FARS2: variants seen among roughly 807,000 people sequenced by gnomAD.
FARS2 encodes phenylalanine--tRNA ligase, mitochondrial.
FARS2 carries 40 observed loss-of-function variants against 46.4 expected under a neutral mutation model. The observed-to-expected ratio is 0.86, with a 90% confidence interval of 0.67 to 1.12. The LOEUF is 1.12. Among genes scored for constraint, FARS2 ranks in the 50% most tolerant of loss-of-function variants. FARS2 has a pLI of 0.00. For missense variants in FARS2, 513 were observed against 567.9 expected (o/e 0.90, Z 0.98); for synonymous variants, 234 against 214.9 (o/e 1.09, Z -0.78).
intron 6 of FARS2, among the ~76,000 whole-genome samples, chr6:5,666,346 C>T (rs1001397668): frequency 1.5e-4 from 23 of 152,312 alleles, no homozygotes; most frequent in Admixed American, 6.5e-4. Flanking sequence ...TTAATGGCCA[C>T]TGCAGGTCCC....
At chr6:5,403,170 T>C (rs73718097) in intron 2 of FARS2, among the ~76,000 whole-genome samples, 5,377 of 152,318 alleles carry the variant, frequency 0.035, 352 homozygotes, top group African/African-American at 0.12. Context: ...ATTAGAATAT[T>C]TCTCTGAAAA....
At chr6:5,674,969 G>C (rs1224237999) in intron 6 of FARS2, among the ~76,000 whole-genome samples, 2 of 152,134 alleles carry the variant, frequency 1.3e-5, no homozygotes, top group Non-Finnish European at 2.9e-5. Context: ...AGGCCAGACT[G>C]TAGTTTCCTT....
At chr6:5,401,778 G>C (rs1413077377) in intron 2 of FARS2, among the ~76,000 whole-genome samples, 5 of 152,146 alleles carry the variant, frequency 3.3e-5, no homozygotes, top group Non-Finnish European at 7.4e-5. Context: ...GTTTGAAAAT[G>C]TGGCTTCATT....
intron 6 of FARS2, among the ~76,000 whole-genome samples, chr6:5,706,586 T>C (rs1218269332): frequency 2.0e-5 from 3 of 152,152 alleles, no homozygotes; most frequent in Non-Finnish European, 4.4e-5. Context: ...TCTTTTAAAC[T>C]CGTGGCTACA....
At chr6:5,320,554 A>C (rs1266827934) in intron 1 of FARS2, among the ~76,000 whole-genome samples, 1 of 152,200 alleles carries the variant, frequency 6.6e-6, no homozygotes, top group Non-Finnish European at 1.5e-5. Context: ...CATGAATTTT[A>C]ACATCAACAT....
At chr6:5,722,866 T>C (rs553326219) in intron 6 of FARS2, among the ~76,000 whole-genome samples, 2 of 152,204 alleles carry the variant, frequency 1.3e-5, no homozygotes, top group Non-Finnish European at 2.9e-5. Context: ...ACCCTAGTTA[T>C]GAAGTTGTAA....
At chr6:5,455,564 T>C (rs957761338) in intron 4 of FARS2, among the ~76,000 whole-genome samples, 2 of 152,214 alleles carry the variant, frequency 1.3e-5, no homozygotes, top group African/African-American at 4.8e-5. Context: ...TCTAATTTGT[T>C]TTTATTACCT....
intron 6 of FARS2, among the ~76,000 whole-genome samples, chr6:5,636,369 C>T (rs761341603): frequency 1.1e-4 from 17 of 152,196 alleles, no homozygotes; most frequent in Non-Finnish European, 1.6e-4. Context: ...TCCCCCTTTG[C>T]TAGCAACTGC....
chr6:5,601,561 G>T (rs568211221), intron 5 of FARS2, among the ~76,000 whole-genome samples: 59 of 149,102 alleles, frequency 4.0e-4, no homozygotes, highest in African/African-American at 1.4e-3. Flanking sequence ...AGACGAGAGT[G>T]GGGAGGCCTC....
At chr6:5,603,155 G>A (rs1582556947) in intron 5 of FARS2, among the ~76,000 whole-genome samples, 1 of 152,142 alleles carries the variant, frequency 6.6e-6, no homozygotes, top group African/African-American at 2.4e-5. Flanking sequence ...TAGTGCAGTG[G>A]TGCGATCTCA....
At chr6:5,610,745 G>T (rs904559291) in intron 5 of FARS2, among the ~76,000 whole-genome samples, 1 of 152,190 alleles carries the variant, frequency 6.6e-6, no homozygotes, top group Non-Finnish European at 1.5e-5. Flanking sequence ...GTAATCGAAG[G>T]TCCCTTTGGA....
At chr6:5,723,994 A>G (rs1760089863) in intron 6 of FARS2, among the ~76,000 whole-genome samples, 1 of 133,020 alleles carries the variant, frequency 7.5e-6, no homozygotes. Flanking sequence ...TCCACCGCAC[A>G]GGGGCTGTCA....
At position 5,499,162 on chromosome 6, in the gene FARS2, G is replaced by T. The variant is rs566759183; in HGVS notation, c.905-46018G>T. ...GTTAAAAGAATCTTGGGCGAGGCGT[G>T]TATCGATGAAGGCTGCATCTGACCT... On this transcript the variant is annotated intron_variant, in intron 4 of 6. Coordinates refer to ENST00000274680, the MANE Select transcript of FARS2 (RefSeq NM_006567.5). Among the ~76,000 whole-genome samples, 27 of 152,314 alleles carry T rather than the reference G, an allele frequency of 1.8e-4. No homozygotes were observed. The East Asian group carries it at 4.1e-3, about 23-fold the overall frequency.
chr6:5,341,220 TATA>T (rs1771587163), intron 1 of FARS2, among the ~76,000 whole-genome samples: 4 of 7,700 alleles, frequency 5.2e-4, no homozygotes, highest in African/African-American at 2.0e-3. Flanking sequence ...TATATATATA[TATA>T]TATATATATA....
intron 6 of FARS2, among the ~76,000 whole-genome samples, chr6:5,688,352 C>G (rs1216694476): frequency 2.0e-5 from 3 of 152,256 alleles, no homozygotes; most frequent in South Asian, 2.1e-4. Context: ...ATACATAACT[C>G]TTATTATCTT....
chr6:5,636,941 G>A (rs1051416826), intron 6 of FARS2, among the ~76,000 whole-genome samples: 7 of 152,340 alleles, frequency 4.6e-5, no homozygotes, highest in Non-Finnish European at 8.8e-5. Context: ...CGTGCCCCAG[G>A]GCCTCACAGG....
At chr6:5,277,103 T>A (rs1357292750) in intron 1 of FARS2, among the ~76,000 whole-genome samples, 1 of 152,194 alleles carries the variant, frequency 6.6e-6, no homozygotes, top group Non-Finnish European at 1.5e-5. Flanking sequence ...ATTGATCAAA[T>A]GGTGACTGAA....
intron 1 of FARS2, among the ~76,000 whole-genome samples, chr6:5,271,171 C>T (rs1377445666): frequency 6.6e-6 from 1 of 152,166 alleles, no homozygotes; most frequent in South Asian, 2.1e-4. Context: ...CTTTTCTCTA[C>T]TTTGTCTTCT....
chr6:5,417,621 T>C (rs1762316232), intron 3 of FARS2, among the ~76,000 whole-genome samples: 2 of 152,230 alleles, frequency 1.3e-5, no homozygotes, highest in East Asian at 3.8e-4. Flanking sequence ...TTGTCTTTGT[T>C]TTTCTGTACA....
Sources: allele counts gnomAD v4.1 joint callset (sites outside exome capture counted in the v4.1 genomes callset), GRCh38; gene constraint gnomAD v4.1.1; transcripts MANE v1.5; gene names NCBI Gene and HGNC (gene_info 2026-07-23, HGNC 2026-07-21).